Variants in SGCZ observed in about 807,000 individuals in gnomAD.
SGCZ encodes sarcoglycan zeta, also known as zeta-sarcoglycan.
In SGCZ, 40 loss-of-function variants were observed where a neutral mutation model predicts 41.3. That is an observed-to-expected ratio of 0.97 (90% CI 0.75 to 1.26). SGCZ has a LOEUF of 1.26. SGCZ is among the 50% of genes most tolerant of loss of function. SGCZ has a pLI of 0.00. For synonymous variants in SGCZ, 206 were observed against 137.5 expected, an observed-to-expected ratio of 1.50 and a Z score of -3.49; for missense variants, 552 against 369.8, an observed-to-expected ratio of 1.49 and a Z score of -4.04.
chr8:15,132,338 A>G (rs1217412077), intron 1 of SGCZ, among the ~76,000 whole-genome samples: 1 of 152,158 alleles, frequency 6.6e-6, no homozygotes, highest in Non-Finnish European at 1.5e-5. Flanking sequence ...CACTGTCTTC[A>G]CAGCACAAGA....
At chr8:15,217,233 C>A (rs1272952200) in intron 1 of SGCZ, among the ~76,000 whole-genome samples, 1 of 151,454 alleles carries the variant, frequency 6.6e-6, no homozygotes, top group Non-Finnish European at 1.5e-5. Context: ...TTGGCTAACA[C>A]GGTGAAACCC....
chr8:14,725,448 T>A (rs969646595), intron 1 of SGCZ, among the ~76,000 whole-genome samples: 18 of 152,204 alleles, frequency 1.2e-4, no homozygotes, highest in African/African-American at 4.3e-4. Context: ...ACCAACAGTG[T>A]ACAAGTGATT....
chr8:14,746,940 A>G (rs1037587921), intron 1 of SGCZ, among the ~76,000 whole-genome samples: 3 of 152,206 alleles, frequency 2.0e-5, no homozygotes, highest in Non-Finnish European at 4.4e-5. Flanking sequence ...TTTACATGGA[A>G]TGGGTTCAAA....
At chr8:14,836,616 A>G (rs1200590397) in intron 1 of SGCZ, among the ~76,000 whole-genome samples, 1 of 152,186 alleles carries the variant, frequency 6.6e-6, no homozygotes, top group Non-Finnish European at 1.5e-5. Context: ...CTCGTGCCTC[A>G]GCCACCCAAA....
chr8:14,913,342 T>G (rs565532353), intron 1 of SGCZ, among the ~76,000 whole-genome samples: 18 of 152,202 alleles, frequency 1.2e-4, no homozygotes, highest in African/African-American at 3.6e-4. Context: ...CAACACTGTC[T>G]TAATTGTGCT....
At chr8:14,280,971 C>G (rs1357161282) in intron 3 of SGCZ, among the ~76,000 whole-genome samples, 1 of 151,814 alleles carries the variant, frequency 6.6e-6, no homozygotes, top group Non-Finnish European at 1.5e-5. Flanking sequence ...TAACCATATC[C>G]TTTCTGAAAT....
chr8:14,827,586 G>A (rs999711180), intron 1 of SGCZ, among the ~76,000 whole-genome samples: 2 of 152,100 alleles, frequency 1.3e-5, no homozygotes, highest in South Asian at 2.1e-4. Flanking sequence ...GGAACTGCAC[G>A]GGTTGTGAAA....
At chr8:14,543,572 G>A (rs909550169) in intron 2 of SGCZ, among the ~76,000 whole-genome samples, 1 of 152,094 alleles carries the variant, frequency 6.6e-6, no homozygotes, top group African/African-American at 2.4e-5. Context: ...CCATGGTGCT[G>A]TAATCACTTA....
intron 1 of SGCZ, among the ~76,000 whole-genome samples, chr8:15,089,935 A>T (rs566660501): frequency 1.5e-4 from 23 of 152,318 alleles, no homozygotes; most frequent in African/African-American, 5.5e-4. Flanking sequence ...TTTTTTCACT[A>T]AATATAGGTC....
At chr8:14,769,816 C>CAAAAAAAAAAAAAAA (rs1800174947) in intron 1 of SGCZ, among the ~76,000 whole-genome samples, 1 of 91,198 alleles carries the variant, frequency 1.1e-5, no homozygotes, top group Non-Finnish European at 1.9e-5. Context: ...AAAAAAAAAA[C>CAAAAAAAAAAAAAAA]CCAGCAACAA....
At chr8:15,073,952 G>A (rs1233343510) in intron 1 of SGCZ, among the ~76,000 whole-genome samples, 1 of 152,128 alleles carries the variant, frequency 6.6e-6, no homozygotes, top group African/African-American at 2.4e-5. Context: ...ACCTAACTAT[G>A]GGAAGAATTT....
intron 1 of SGCZ, among the ~76,000 whole-genome samples, chr8:14,908,649 C>A (rs1223607596): frequency 6.8e-6 from 1 of 147,660 alleles, no homozygotes; most frequent in African/African-American, 2.5e-5. Context: ...ACTCAGGAGG[C>A]TGAGGCAGGA....
chr8:14,749,970 T>C (rs1220645263), intron 1 of SGCZ, among the ~76,000 whole-genome samples: 1 of 152,088 alleles, frequency 6.6e-6, no homozygotes, highest in Non-Finnish European at 1.5e-5. Context: ...TTAAACATAA[T>C]AAATTACACT....
intron 1 of SGCZ, among the ~76,000 whole-genome samples, chr8:15,211,086 G>T (rs565091227): frequency 1.3e-5 from 2 of 150,268 alleles, no homozygotes; most frequent in South Asian, 4.2e-4. Flanking sequence ...GATAGATATA[G>T]ATATAGATAT....
intron 2 of SGCZ, among the ~76,000 whole-genome samples, chr8:14,459,631 A>C (rs894620409): frequency 6.6e-6 from 1 of 152,104 alleles, no homozygotes; most frequent in African/African-American, 2.4e-5. Flanking sequence ...GGACAAAAAC[A>C]GTAACTTTAT....
intron 1 of SGCZ, among the ~76,000 whole-genome samples, chr8:14,883,776 GTTTTTTTTTTTTTT>G (rs1233614779): frequency 7.0e-5 from 6 of 86,034 alleles, no homozygotes; most frequent in Non-Finnish European, 1.4e-4. Flanking sequence ...GCATCCTGTT[GTTTTTTTTTTTTTT>G]TTTTTTTCCA....
Position 14,108,148 on chromosome 8 carries a change from A to G in SGCZ, c.620+15T>C. 6.2e-7 allele frequency: 1 copy of G among 1,613,290 alleles called. No homozygotes were observed. Among genetic ancestry groups the G allele is most frequent in the East Asian group, 2.2e-5 (1 of 44,868 alleles). ...TGATGGATTTTATGCCACAGGTATAAGAGGAAGCCCTTACCTGAGATCTTG... is the reference window on the plus strand; with the variant it reads ...TGATGGATTTTATGCCACAGGTATAGGAGGAAGCCCTTACCTGAGATCTTG... On this transcript the variant is annotated intron_variant, in intron 6 of 7. Coordinates refer to ENST00000382080, the MANE Select transcript of SGCZ (RefSeq NM_139167.4).
chr8:14,821,202 C>A (rs557467071), intron 1 of SGCZ, among the ~76,000 whole-genome samples: 1 of 151,922 alleles, frequency 6.6e-6, no homozygotes, highest in African/African-American at 2.4e-5. Context: ...TTCACATCAA[C>A]AAATTTGATA....
intron 2 of SGCZ, among the ~76,000 whole-genome samples, chr8:14,332,027 C>A (rs1376967608): frequency 1.3e-5 from 2 of 151,654 alleles, no homozygotes; most frequent in Non-Finnish European, 2.9e-5. Flanking sequence ...TTATACATAT[C>A]CTTATTCTAA....
Sources: allele counts gnomAD v4.1 joint callset (sites outside exome capture counted in the v4.1 genomes callset), GRCh38; gene constraint gnomAD v4.1.1; transcripts MANE v1.5; gene names NCBI Gene and HGNC (gene_info 2026-07-23, HGNC 2026-07-21).